The following MCTP1 variants were observed in gnomAD, a reference collection of about 807,000 sequenced individuals.
MCTP1 encodes multiple C2 and transmembrane domain-containing protein 1.
Under a neutral mutation model 120.6 loss-of-function variants are expected in MCTP1, and 69 were observed. The ratio of observed to expected loss-of-function variants is 0.57; its 90% CI spans 0.47 to 0.70. The LOEUF is 0.70. Ranked by LOEUF, MCTP1 falls within the 30% of genes least tolerant of loss-of-function variation. The pLI, the probability that MCTP1 is intolerant of heterozygous loss-of-function variation, is 0.00. For missense variants in MCTP1, 1,203 were observed against 1,248.8 expected, an observed-to-expected ratio of 0.96 and a Z score of 0.55; for synonymous variants, 529 against 493.1, an observed-to-expected ratio of 1.07 and a Z score of -0.96.
chr5:95,095,895 G>A (rs570663048), intron 1 of MCTP1, among the ~76,000 whole-genome samples: 1 of 152,222 alleles, frequency 6.6e-6, no homozygotes, highest in African/African-American at 2.4e-5. Flanking sequence ...ATGAGGGGAG[G>A]CCCAGAAGGC....
At chr5:94,789,943 TTGAG>T (rs1353171114) in intron 18 of MCTP1, among the ~76,000 whole-genome samples, 4 of 152,224 alleles carry the variant, frequency 2.6e-5, no homozygotes, top group African/African-American at 9.6e-5. Context: ...CAAACATTTT[TTGAG>T]TAACTCAGAG....
intron 3 of MCTP1, among the ~76,000 whole-genome samples, chr5:94,952,108 G>A (rs894687819): frequency 3.6e-5 from 5 of 139,026 alleles, no homozygotes; most frequent in African/African-American, 8.1e-5. Flanking sequence ...AGAGATGAAC[G>A]TTGCAGTGAG....
intron 17 of MCTP1, among the ~76,000 whole-genome samples, chr5:94,800,140 T>A (rs929703594): frequency 6.6e-6 from 1 of 152,214 alleles, no homozygotes; most frequent in South Asian, 2.1e-4. Flanking sequence ...CTCAGGGTTG[T>A]GAGAATTAAA....
intron 3 of MCTP1, among the ~76,000 whole-genome samples, chr5:94,949,038 A>G (rs1475736752): frequency 6.6e-6 from 1 of 152,190 alleles, no homozygotes; most frequent in African/African-American, 2.4e-5. Context: ...AGAAACAGTC[A>G]TGTGGTCCCA....
At chr5:94,853,058 A>C (rs1206093574) in intron 17 of MCTP1, among the ~76,000 whole-genome samples, 1 of 152,018 alleles carries the variant, frequency 6.6e-6, no homozygotes, top group Non-Finnish European at 1.5e-5. Flanking sequence ...CACTTGTCAC[A>C]AACCAATAAA....
chr5:95,127,479 T>C (rs1480445761), intron 1 of MCTP1, among the ~76,000 whole-genome samples: 3 of 152,136 alleles, frequency 2.0e-5, no homozygotes, highest in Non-Finnish European at 4.4e-5. Flanking sequence ...CCTGGGCAGG[T>C]TCAGGGCAGT....
At position 94,923,962 on chromosome 5, in the gene MCTP1, C is replaced by A. The variant is rs1433656448; in HGVS notation, c.1272G>T (p.Arg424Ser). The stretch of plus-strand genomic sequence containing the variant: ...TTAACAAAAAGGATTTAGACATTAC[C>A]CTCCAAAAGAGAGACTTCACAGAGA... ...SYFSVKSLFW[R>S]TCGRPALPVL... is the part of the protein sequence containing the mutation. The change falls in exon 7 of 23, where the codon AGG becomes AGT. Residue 424 changes from arginine to serine, a missense_variant and splice_region_variant. Arg to Ser is a moderately radical substitution (Grantham distance 110). Transcript: ENST00000515393. The A allele has an allele frequency of 6.6e-7, 1 of 1,516,764 alleles. No individual in the cohort carries two copies. The highest frequency in any genetic ancestry group is 8.8e-7 in the Non-Finnish European group (1 of 1,135,376). The allele number at this position is 1,516,764 out of a possible 1,614,324, so 94.0% of individuals were successfully genotyped here.
At chr5:94,720,529 TGAC>T (rs1760658927) in intron 19 of MCTP1, among the ~76,000 whole-genome samples, 1 of 152,146 alleles carries the variant, frequency 6.6e-6, no homozygotes, top group South Asian at 2.1e-4. Context: ...GAATATATAA[TGAC>T]ATCAAAAACG....
chr5:95,061,408 G>GTTGTTTTTTTTTTTTTTTT lies in MCTP1; in HGVS notation c.721-43925_721-43924insAAAAAAAAAAAAAAAACAA, dbSNP rs1749067994. ...ATCAATTTTCACAAACCCCTTAAGG[G>GTTGTTTTTTTTTTTTTTTT]TTTTTTTTTTTTTTTTTTTTTTTTT... On this transcript the variant is annotated intron_variant, in intron 1 of 22. Coordinates refer to ENST00000515393, the MANE Select transcript of MCTP1 (RefSeq NM_024717.7). Among the ~76,000 whole-genome samples the GTTGTTTTTTTTTTTTTTTT allele has an allele frequency of 5.4e-4, 18 of 33,488 alleles. 4 individuals are homozygous for GTTGTTTTTTTTTTTTTTTT. The highest frequency in any genetic ancestry group is 8.7e-4 in the Non-Finnish European group (14 of 16,076). The allele number at this position is 33,488 out of a possible 152,430, so 22.0% of individuals were successfully genotyped here.
At chr5:95,234,929 C>T (rs1487797023) in intron 1 of MCTP1, among the ~76,000 whole-genome samples, 1 of 152,044 alleles carries the variant, frequency 6.6e-6, no homozygotes, top group Non-Finnish European at 1.5e-5. Flanking sequence ...AATATTATTT[C>T]TACACAAACT....
chr5:95,011,880 T>C (rs1272274088), intron 2 of MCTP1, among the ~76,000 whole-genome samples: 1 of 152,144 alleles, frequency 6.6e-6, no homozygotes, highest in Non-Finnish European at 1.5e-5. Context: ...TCCTATGTGA[T>C]TTTGACATTT....
intron 2 of MCTP1, among the ~76,000 whole-genome samples, chr5:94,967,840 C>T (rs755169062): frequency 6.6e-6 from 1 of 152,174 alleles, no homozygotes; most frequent in African/African-American, 2.4e-5. Context: ...CTTGGTAGTT[C>T]GTCATCTAAT....
intron 1 of MCTP1, among the ~76,000 whole-genome samples, chr5:95,213,381 A>G (rs544454406): frequency 5.9e-5 from 9 of 152,360 alleles, no homozygotes; most frequent in Non-Finnish European, 1.2e-4. Context: ...AACAAATGGA[A>G]GAACATTCCA....
rs1305335069 is a variant in MCTP1 at position 94,885,077 on chromosome 5, C to G, written c.1933+3802G>C. On this transcript the variant is annotated intron_variant, in intron 12 of 22. Transcript: ENST00000515393. ...TAATTGTAAAATTCTCTCTCTCTCC[C>G]CCTTTTTCTCTTCCTCTCCCTCTAT... Among the ~76,000 whole-genome samples the G allele has an allele frequency of 2.0e-5, 3 of 152,228 alleles. No homozygotes were observed. In the East Asian group the frequency reaches 5.8e-4, roughly 29 times the overall value.
In MCTP1 at chr5:95,116,610, T is replaced by C. The variant is rs532862832; in HGVS notation, c.721-99126A>G. Among the ~76,000 whole-genome samples the C allele has an allele frequency of 3.0e-4, 45 of 152,256 alleles. 2 individuals are homozygous for C. The highest frequency in any genetic ancestry group is 6.8e-3 in the Middle Eastern group (2 of 294). On this transcript the variant is annotated intron_variant, in intron 1 of 22. Coordinates refer to ENST00000515393, the MANE Select transcript of MCTP1 (RefSeq NM_024717.7). Reference sequence around the variant, plus strand: ...AGTTTAATGGGAATAGCATAAAATCTATAAATTACTTTGGGCAGTATGGCC... The same window carrying C: ...AGTTTAATGGGAATAGCATAAAATCCATAAATTACTTTGGGCAGTATGGCC...
chr5:95,281,057 C>T (rs1760275272), intron 1 of MCTP1, among the ~76,000 whole-genome samples: 1 of 152,242 alleles, frequency 6.6e-6, no homozygotes, highest in South Asian at 2.1e-4. Context: ...TTTTGCAATA[C>T]ATTTTATTTC....
intron 19 of MCTP1, among the ~76,000 whole-genome samples, chr5:94,738,676 C>T (rs114274848): frequency 0.023 from 3,449 of 152,218 alleles, 69 homozygotes; most frequent in African/African-American, 0.051. Context: ...TTGTCTGCAG[C>T]CTGAGATGTA....
intron 17 of MCTP1, among the ~76,000 whole-genome samples, chr5:94,844,879 T>A (rs1186384795): frequency 6.6e-6 from 1 of 152,168 alleles, no homozygotes; most frequent in Non-Finnish European, 1.5e-5. Context: ...CTTTTCCAAT[T>A]TGCTATACAT....
chr5:94,875,085 TGAA>T (rs1798552347), intron 12 of MCTP1, among the ~76,000 whole-genome samples: 1 of 152,106 alleles, frequency 6.6e-6, no homozygotes, highest in South Asian at 2.1e-4. Context: ...GAGTTTACAT[TGAA>T]GAAGAAGACA....
Sources: allele counts gnomAD v4.1 joint callset (sites outside exome capture counted in the v4.1 genomes callset), GRCh38; gene constraint gnomAD v4.1.1; transcripts MANE v1.5; gene names NCBI Gene and HGNC (gene_info 2026-07-23, HGNC 2026-07-21).